The following RASA3 variants were observed in gnomAD, a reference collection of about 807,000 sequenced individuals.
The protein encoded by RASA3 is RAS p21 protein activator 3, also known as ras GTPase-activating protein 3.
In RASA3, 73 loss-of-function variants were observed where a neutral mutation model predicts 110.0. That is an observed-to-expected ratio of 0.66 (90% CI 0.55 to 0.81). The LOEUF (loss-of-function observed/expected upper bound fraction) is 0.81, where lower values mean the gene tolerates loss of function less well. RASA3 is among the 30% of genes least tolerant of loss of function. RASA3 has a pLI of 0.00. For missense variants in RASA3, 976 were observed against 1,113.2 expected (o/e 0.88, Z 1.75); for synonymous variants, 500 against 451.4 (o/e 1.11, Z -1.37).
chr13:114,002,766 T>C (rs2053433708), intron 18 of RASA3, among the ~76,000 whole-genome samples: 1 of 152,276 alleles, frequency 6.6e-6, no homozygotes, highest in East Asian at 1.9e-4. Flanking sequence ...TCTGGGCGCC[T>C]GGCTCTCCAG....
chr13:113,980,188 CGTGTGTGCACCACCTCCTCCCAT>C (rs1413212775), intron 23 of RASA3, among the ~76,000 whole-genome samples: 4 of 136,068 alleles, frequency 2.9e-5, no homozygotes, highest in Non-Finnish European at 4.7e-5. Context: ...CCTCCTCCCA[CGTGTGTGCACCACCTCCTCCCAT>C]GTGTGTGCAC....
chr13:114,110,484 C>T (rs1303963764), intron 1 of RASA3, among the ~76,000 whole-genome samples: 1 of 152,230 alleles, frequency 6.6e-6, no homozygotes, highest in African/African-American at 2.4e-5. Flanking sequence ...CTTCCCTGCA[C>T]AGCTGCATGA....
At chr13:114,128,267 C>T (rs577434752) in intron 1 of RASA3, among the ~76,000 whole-genome samples, 1 of 152,374 alleles carries the variant, frequency 6.6e-6, no homozygotes, top group South Asian at 2.1e-4. Flanking sequence ...CTTCACAAAA[C>T]ACTTCTCTTA....
chr13:114,132,480 C>T lies in RASA3; in HGVS notation c.10G>A (p.Glu4Lys). 1 of 1,500,556 alleles carries T rather than the reference C, an allele frequency of 6.7e-7. No individual in the cohort carries two copies. Among genetic ancestry groups the T allele is most frequent in the Non-Finnish European group, 8.8e-7 (1 of 1,130,184 alleles). The allele number at this position is 1,500,556 out of a possible 1,614,324, so 93.0% of individuals were successfully genotyped here. Residue 4 changes from glutamate to lysine, a missense_variant, in exon 1 of 24, where the codon GAG becomes AAG. By Grantham distance (56) the Glu-to-Lys change is moderately conservative (BLOSUM62 1). This residue lies in a region of RASA3 where 732 missense variants were observed against 779.7 expected (regional missense o/e 0.94). Transcript: ENST00000334062. ...TGGAAGACCCGGAGCCCCTCGTCCT[C>T]CACCGCCATGCTGCGCGTCCGCGCC... MAV[E>K]DEGLRVFQSV...
chr13:114,001,641 C>T (rs2053405278), intron 18 of RASA3, among the ~76,000 whole-genome samples: 1 of 148,528 alleles, frequency 6.7e-6, no homozygotes, highest in African/African-American at 2.5e-5. Context: ...GATGCCCACA[C>T]AACACGGAGG....
chr13:114,016,298 T>C (rs937563655), intron 12 of RASA3, 27 bp from the exon 13 acceptor site: 14 of 1,517,958 alleles, frequency 9.2e-6, no homozygotes, highest in Non-Finnish European at 1.3e-5. Flanking sequence ...GACAGGGCTC[T>C]GTGAGTGGGT....
intron 4 of RASA3, 138 bp from the exon 5 acceptor site, chr13:114,030,025 C>T (rs1020169495): frequency 1.4e-6 from 1 of 719,754 alleles, no homozygotes; most frequent in Non-Finnish European, 2.4e-6. Context: ...CACGTCCAGC[C>T]CCTCCACTCC....
At chr13:114,081,296 G>C (rs1361279247) in intron 1 of RASA3, among the ~76,000 whole-genome samples, 3 of 152,182 alleles carry the variant, frequency 2.0e-5, no homozygotes, top group Admixed American at 6.5e-5. Flanking sequence ...AGGAGACCTG[G>C]CCTTGGAGCC....
intron 3 of RASA3, among the ~76,000 whole-genome samples, chr13:114,043,161 C>T (rs2054451327): frequency 6.6e-6 from 1 of 152,200 alleles, no homozygotes; most frequent in Admixed American, 6.5e-5. Flanking sequence ...ACGCCCAGCT[C>T]AGCACCAGCT....
At chr13:114,099,349 C>T (rs2079992086) in intron 1 of RASA3, among the ~76,000 whole-genome samples, 2 of 152,010 alleles carry the variant, frequency 1.3e-5, no homozygotes, top group Admixed American at 6.5e-5. Context: ...TGCAGCCACT[C>T]CCAGGCCTCC....
rs1179510698 is a variant in RASA3 at position 114,007,565 on chromosome 13, C to G, written c.1710G>C (p.Lys570Asn). The G allele has an allele frequency of 1.2e-6, 2 of 1,613,632 alleles. No homozygotes were observed. The highest frequency in any genetic ancestry group is 1.7e-5 in the Admixed American group (1 of 60,022). The change falls in exon 18 of 24, where the codon AAG becomes AAC. Residue 570 changes from lysine to asparagine, a missense_variant. Physicochemically the swap from Lys to Asn is moderately conservative, Grantham distance 94. Transcript: ENST00000334062. ...LISSSGRRDP[K>N]SVEQPIVLKE... is the part of the protein sequence containing the mutation. ...TAAGCACGATGGGCTGCTCAACACTCTTGGGGTCTCTTCTCCCCGAGGACG... is the reference window on the plus strand; with the variant it reads ...TAAGCACGATGGGCTGCTCAACACTGTTGGGGTCTCTTCTCCCCGAGGACG...
chr13:114,003,550 C>T (rs1403790442), intron 18 of RASA3, among the ~76,000 whole-genome samples: 2 of 152,198 alleles, frequency 1.3e-5, no homozygotes, highest in African/African-American at 4.8e-5. Context: ...ATAATAGTTT[C>T]TTTTAAAGAC....
intron 23 of RASA3, among the ~76,000 whole-genome samples, chr13:113,980,950 A>C (rs2052919986): frequency 6.6e-6 from 1 of 152,150 alleles, no homozygotes; most frequent in African/African-American, 2.4e-5. Flanking sequence ...AGTGAGGAGG[A>C]GGCTGTACAG....
intron 1 of RASA3, among the ~76,000 whole-genome samples, chr13:114,091,419 C>T (rs1182516787): frequency 1.3e-5 from 2 of 151,684 alleles, no homozygotes; most frequent in African/African-American, 4.9e-5. Flanking sequence ...GAGTTTTTGT[C>T]ATGAGGGATG....
At chr13:114,017,388 G>A (rs755211465) in intron 11 of RASA3, 37 bp from the exon 12 acceptor site, 1 of 1,556,896 alleles carries the variant, frequency 6.4e-7, no homozygotes, top group Non-Finnish European at 8.9e-7. Flanking sequence ...TTGTCTCCTG[G>A]GGACGCGGAA....
chr13:114,001,437 G>A lies in RASA3; in HGVS notation c.1743-505C>T, dbSNP rs1412348506. The stretch of plus-strand genomic sequence containing the variant: ...ACACACAGAGGACCTACGGCCGCGG[G>A]CTCGGGGTCAGGGTGGGCAGTGGAC... On this transcript the variant is annotated intron_variant, in intron 18 of 23. Transcript: ENST00000334062. 5.8e-5 allele frequency among the ~76,000 whole-genome samples: 8 copies of A among 137,586 alleles called. 1 individual carries two copies. The highest frequency in any genetic ancestry group is 1.2e-4 in the Non-Finnish European group (7 of 60,312). The allele number at this position is 137,586 out of a possible 152,430, so 90.3% of individuals were successfully genotyped here.
chr13:114,014,106 GTCTCTC>G lies in RASA3; in HGVS notation c.1406-864_1406-859del, dbSNP rs112560884. On this transcript the variant is annotated intron_variant, in intron 14 of 23. Transcript: ENST00000334062. This position sits in a 1 kb window ranked among gnomAD's most constrained non-coding sequence, Gnocchi z 4.5. Reference sequence around the variant, plus strand: ...TCTGCCTCTCTCTCCGTCTCTCCCTGTCTCTCTCTCTCTCTCCTTGTCTCTCTCTGT... The same window carrying G: ...TCTGCCTCTCTCTCCGTCTCTCCCTGTCTCTCTCTCCTTGTCTCTCTCTGT... Among the ~76,000 whole-genome samples, 20 of 130,902 alleles carry G rather than the reference GTCTCTC, an allele frequency of 1.5e-4. No homozygotes were observed. The highest frequency in any genetic ancestry group is 5.7e-4 in the African/African-American group (20 of 34,856). 85.9% of individuals were successfully genotyped at this position (130,902 alleles called of 152,430 possible).
At chr13:114,123,527 G>A (rs1215220475) in intron 1 of RASA3, among the ~76,000 whole-genome samples, 1 of 152,210 alleles carries the variant, frequency 6.6e-6, no homozygotes, top group Non-Finnish European at 1.5e-5. Context: ...GGTCTATCGC[G>A]CCCAGTTCAG....
intron 7 of RASA3, among the ~76,000 whole-genome samples, chr13:114,026,100 T>C (rs931406363): frequency 6.6e-6 from 1 of 152,218 alleles, no homozygotes; most frequent in African/African-American, 2.4e-5. Flanking sequence ...ATTGCTCCTG[T>C]AGGCTGAGAC....
Sources: allele counts gnomAD v4.1 joint callset (sites outside exome capture counted in the v4.1 genomes callset), GRCh38; gene constraint gnomAD v4.1.1; regional missense constraint gnomAD v4.1.1; non-coding constraint Gnocchi (gnomAD v3.1); transcripts MANE v1.5; gene names NCBI Gene and HGNC (gene_info 2026-07-23, HGNC 2026-07-21).